The following ZNF385D variants were observed in gnomAD, a reference collection of about 807,000 sequenced individuals.
ZNF385D encodes zinc finger protein 659.
In ZNF385D, 15 loss-of-function variants were observed where a neutral mutation model predicts 35.8. The ratio of observed to expected loss-of-function variants is 0.42; its 90% CI spans 0.28 to 0.64. The LOEUF (loss-of-function observed/expected upper bound fraction) is 0.64. Ranked by LOEUF, ZNF385D falls within the 30% of genes least tolerant of loss-of-function variation. The pLI, the probability that ZNF385D is intolerant of heterozygous loss-of-function variation, is 0.23. For synonymous variants in ZNF385D, 212 were observed against 186.8 expected, an observed-to-expected ratio of 1.13 and a Z score of -1.10; for missense variants, 474 against 494.6, an observed-to-expected ratio of 0.96 and a Z score of 0.39.
intron 3 of ZNF385D, among the ~76,000 whole-genome samples, chr3:21,822,615 A>G (rs1449672366): frequency 6.6e-6 from 1 of 152,206 alleles, no homozygotes. Flanking sequence ...GGAAACCGAA[A>G]AAGAATGACA....
At chr3:21,895,319 C>CTT (rs34167369) in intron 3 of ZNF385D, among the ~76,000 whole-genome samples, 3,064 of 62,670 alleles carry the variant, frequency 0.049, 781 homozygotes, top group African/African-American at 0.13. Flanking sequence ...AAATGTGTGG[C>CTT]TTTTTTTTTT....
intron 3 of ZNF385D, among the ~76,000 whole-genome samples, chr3:21,802,301 A>T (rs548052903): frequency 6.6e-6 from 1 of 152,292 alleles, no homozygotes; most frequent in South Asian, 2.1e-4. Flanking sequence ...AATCATGATC[A>T]TGGGGTAATT....
chr3:22,332,112 A>C (rs543478203), intron 2 of ZNF385D, among the ~76,000 whole-genome samples: 8 of 152,310 alleles, frequency 5.3e-5, no homozygotes, highest in African/African-American at 1.9e-4. Flanking sequence ...TAATATTCCT[A>C]TTCACTACTT....
chr3:21,800,798 C>T (rs1009578595), intron 3 of ZNF385D, among the ~76,000 whole-genome samples: 7 of 151,980 alleles, frequency 4.6e-5, no homozygotes, highest in Admixed American at 2.6e-4. Flanking sequence ...TTAAGATTTT[C>T]TACATAAAAT....
chr3:22,036,140 T>C (rs771050803), intron 3 of ZNF385D, among the ~76,000 whole-genome samples: 1 of 151,984 alleles, frequency 6.6e-6, no homozygotes, highest in South Asian at 2.1e-4. Context: ...AGAGAAAAAA[T>C]GTGGTTATAA....
intron 4 of ZNF385D, chr3:21,443,417 G>C (rs748327809): frequency 3.0e-5 from 28 of 918,670 alleles, no homozygotes; most frequent in Admixed American, 6.2e-5. Flanking sequence ...AAAATTTTGG[G>C]GGTCTGTCTT....
At chr3:21,991,722 T>C (rs1695163000) in intron 3 of ZNF385D, among the ~76,000 whole-genome samples, 1 of 152,216 alleles carries the variant, frequency 6.6e-6, no homozygotes, top group South Asian at 2.1e-4. Flanking sequence ...GATTGCTTCA[T>C]GGTCCAGATT....
intron 3 of ZNF385D, among the ~76,000 whole-genome samples, chr3:22,018,224 C>T (rs1697006686): frequency 6.7e-6 from 1 of 150,200 alleles, no homozygotes; most frequent in South Asian, 2.1e-4. Flanking sequence ...ATATGACTGT[C>T]TAAGAGGGAT....
chr3:21,829,281 G>C (rs898786628), intron 3 of ZNF385D, among the ~76,000 whole-genome samples: 4 of 152,126 alleles, frequency 2.6e-5, no homozygotes, highest in African/African-American at 7.2e-5. Context: ...TATTTCATTA[G>C]AGGTGGCCAG....
At chr3:22,263,657 A>G (rs1700747453) in intron 2 of ZNF385D, among the ~76,000 whole-genome samples, 2 of 152,010 alleles carry the variant, frequency 1.3e-5, no homozygotes, top group African/African-American at 4.8e-5. Context: ...CACTTAATAA[A>G]TATTTGTTAA....
chr3:22,097,759 G>C (rs1222318986), intron 3 of ZNF385D, among the ~76,000 whole-genome samples: 2 of 151,992 alleles, frequency 1.3e-5, no homozygotes, highest in Admixed American at 6.6e-5. Context: ...GACAGAAAGT[G>C]TCCCCTGTGA....
At chr3:22,230,010 A>G (rs1384947120) in intron 2 of ZNF385D, among the ~76,000 whole-genome samples, 1 of 152,196 alleles carries the variant, frequency 6.6e-6, no homozygotes, top group Non-Finnish European at 1.5e-5. Context: ...TAAAGGGGAA[A>G]AATAACAAGG....
chr3:21,511,727 G>A (rs948635949), intron 3 of ZNF385D: 1 of 456,374 alleles, frequency 2.2e-6, no homozygotes, highest in African/African-American at 2.0e-5. Context: ...ACTACCTAAT[G>A]GGGCCAATCC....
chr3:21,908,087 T>C (rs1699773060), intron 3 of ZNF385D, among the ~76,000 whole-genome samples: 1 of 151,056 alleles, frequency 6.6e-6, no homozygotes, highest in African/African-American at 2.5e-5. Context: ...AGTTATTTAT[T>C]TTCTCTCTAT....
At position 21,976,293 on chromosome 3, in the gene ZNF385D, A is replaced by G. The variant is rs113035249; in HGVS notation, c.325+192524T>C. 3.9e-4 allele frequency among the ~76,000 whole-genome samples: 59 copies of G among 152,336 alleles called. 1 individual carries two copies. Among genetic ancestry groups the G allele is most frequent in the African/African-American group, 1.3e-3 (54 of 41,578 alleles). ...AGGACCAGAAGAAAAAATAGACAAC[A>G]GAAACATATCTACATGTGACACAAA... On this transcript the variant is annotated intron_variant, in intron 3 of 5. Coordinates refer to the ZNF385D transcript ENST00000494108.
In ZNF385D at chr3:22,222,705, A is replaced by C. The variant is rs188726309; in HGVS notation, c.107-53670T>G. ...CCTTCCATAGTGTAAAAGCCAAATG[A>C]AAGAACGGATATAAAAGTGCTTTTG... On this transcript the variant is annotated intron_variant, in intron 2 of 5. Transcript: ENST00000494108. 1.7e-3 allele frequency among the ~76,000 whole-genome samples: 263 copies of C among 152,334 alleles called. 1 individual carries two copies. The highest frequency in any genetic ancestry group is 0.01 in the Middle Eastern group (3 of 294).
intron 3 of ZNF385D, among the ~76,000 whole-genome samples, chr3:21,943,881 C>T (rs926247419): frequency 1.3e-5 from 2 of 152,106 alleles, no homozygotes; most frequent in Non-Finnish European, 2.9e-5. Flanking sequence ...AATACTGTTA[C>T]ATTTGACGAC....
intron 3 of ZNF385D, among the ~76,000 whole-genome samples, chr3:21,917,303 A>C (rs1653299404): frequency 6.6e-6 from 1 of 151,954 alleles, no homozygotes; most frequent in Admixed American, 6.6e-5. Context: ...GTGGTGCGGC[A>C]CTCCTGTAAT....
At chr3:22,084,217 A>G (rs1355083764) in intron 3 of ZNF385D, among the ~76,000 whole-genome samples, 1 of 152,184 alleles carries the variant, frequency 6.6e-6, no homozygotes, top group Non-Finnish European at 1.5e-5. Context: ...GACAGGATCA[A>G]ATTCACACAT....
Sources: gnomAD v4.1 joint callset for allele counts (sites outside exome capture counted in the v4.1 genomes callset) on GRCh38, gnomAD v4.1.1 for gene constraint, MANE v1.5 for transcripts, NCBI Gene and HGNC (gene_info 2026-07-23, HGNC 2026-07-21) for gene names.